Variants in SIK3 observed in about 807,000 individuals in gnomAD.
SIK3 encodes the protein serine/threonine-protein kinase SIK3.
Under a neutral mutation model 144.2 loss-of-function variants are expected in SIK3, and 28 were observed. The ratio of observed to expected loss-of-function variants is 0.19; its 90% CI spans 0.14 to 0.27. SIK3 has a LOEUF of 0.27. Among genes scored for constraint, SIK3 ranks in the 10% least tolerant of loss-of-function variants. SIK3 has a pLI of 1.00. For synonymous variants in SIK3, 686 were observed against 676.3 expected (o/e 1.01, Z -0.22); for missense variants, 1,319 against 1,776.0 (o/e 0.74, Z 4.62).
intron 1 of SIK3, among the ~76,000 whole-genome samples, chr11:117,023,496 A>G (rs1951858794): frequency 6.8e-6 from 1 of 146,970 alleles, no homozygotes; most frequent in Admixed American, 6.9e-5. Context: ...CCCTTGACCT[A>G]CTGGGCTCAA....
intron 4 of SIK3, among the ~76,000 whole-genome samples, chr11:116,898,832 T>G (rs1242392909): frequency 6.6e-6 from 1 of 151,982 alleles, no homozygotes; most frequent in Non-Finnish European, 1.5e-5. Context: ...GTTTTTTTCT[T>G]GTAAATTTGT....
At chr11:116,933,386 G>A (rs921523207) in intron 3 of SIK3, among the ~76,000 whole-genome samples, 15 of 152,004 alleles carry the variant, frequency 9.9e-5, no homozygotes, top group Non-Finnish European at 2.1e-4. Context: ...TGCTCCACCC[G>A]CCTCAGCCCC....
At chr11:117,049,682 G>C (rs1408658304) in intron 1 of SIK3, among the ~76,000 whole-genome samples, 1 of 152,104 alleles carries the variant, frequency 6.6e-6, no homozygotes, top group Non-Finnish European at 1.5e-5. Flanking sequence ...ATCAGTCTAG[G>C]TGCAATGGCT....
At chr11:116,945,705 A>G (rs79580638) in intron 3 of SIK3, among the ~76,000 whole-genome samples, 7,410 of 152,182 alleles carry the variant, frequency 0.049, 601 homozygotes, top group African/African-American at 0.17. Flanking sequence ...GATCAGTCCA[A>G]TTGTCTGTCT....
At chr11:117,022,148 T>C (rs1332156989) in intron 1 of SIK3, among the ~76,000 whole-genome samples, 1 of 152,044 alleles carries the variant, frequency 6.6e-6, no homozygotes, top group Non-Finnish European at 1.5e-5. Flanking sequence ...CATTTTGTAG[T>C]TGGGTATGTC....
At chr11:117,075,763 T>G (rs1954488390) in intron 1 of SIK3, among the ~76,000 whole-genome samples, 2 of 150,498 alleles carry the variant, frequency 1.3e-5, no homozygotes, top group Non-Finnish European at 3.0e-5. Flanking sequence ...CAAGATGGTC[T>G]CGATCTCCTG....
At chr11:117,036,066 A>C (rs1952486747) in intron 1 of SIK3, 4 of 991,846 alleles carry the variant, frequency 4.0e-6, no homozygotes, top group Non-Finnish European at 6.0e-6. Context: ...TCGTGTGGGT[A>C]GGTCATCACC....
chr11:117,017,642 G>A (rs983845122), intron 1 of SIK3, among the ~76,000 whole-genome samples: 3 of 151,934 alleles, frequency 2.0e-5, no homozygotes, highest in African/African-American at 7.3e-5. Flanking sequence ...TCCTGATTAG[G>A]TCATCATTCT....
intron 1 of SIK3, among the ~76,000 whole-genome samples, chr11:116,984,347 C>A (rs1185002327): frequency 4.6e-5 from 7 of 152,124 alleles, no homozygotes; most frequent in Non-Finnish European, 5.9e-5. Flanking sequence ...AGCAATATGA[C>A]CTTTTAGCTC....
At chr11:116,917,299 G>GTGAGTTCCTATAAGAACTC (rs1470741680) in intron 4 of SIK3, among the ~76,000 whole-genome samples, 29 of 152,280 alleles carry the variant, frequency 1.9e-4, no homozygotes, top group African/African-American at 7.0e-4. Context: ...TATAAGAACT[G>GTGAGTTCCTATAAGAACTC]TAAGTTTCTA....
At position 116,985,448 on chromosome 11, in the gene SIK3, A is replaced by G. The variant is rs185620628; in HGVS notation, c.274-28384T>C. On this transcript the variant is annotated intron_variant, in intron 1 of 24. Transcript: ENST00000445177. The stretch of plus-strand genomic sequence containing the variant: ...ATAAATTCATTACAGCCTAGAAATT[A>G]GTTAATCTTACTAGTTGAGTTTGCG... Among the ~76,000 whole-genome samples, 37 of 152,328 alleles carry G rather than the reference A, an allele frequency of 2.4e-4. 1 individual carries two copies. The East Asian group carries it at 7.0e-3, about 29-fold the overall frequency.
At chr11:117,048,308 A>C (rs2135893891) in intron 1 of SIK3, among the ~76,000 whole-genome samples, 1 of 152,324 alleles carries the variant, frequency 6.6e-6, no homozygotes, top group African/African-American at 2.4e-5. Context: ...CCCCAGATTT[A>C]TTTACCTTTA....
chr11:116,911,841 T>C (rs1166356882), intron 4 of SIK3, among the ~76,000 whole-genome samples: 1 of 152,228 alleles, frequency 6.6e-6, no homozygotes, highest in Non-Finnish European at 1.5e-5. Flanking sequence ...AAATACTTGA[T>C]ATCCCTTACT....
At chr11:117,016,459 T>C (rs529782414) in intron 1 of SIK3, among the ~76,000 whole-genome samples, 13 of 126,258 alleles carry the variant, frequency 1.0e-4, no homozygotes, top group East Asian at 4.2e-4. Context: ...CCATGACCTA[T>C]CTATTTTTGG....
chr11:117,069,181 TTTTG>T (rs1360483166), intron 1 of SIK3, among the ~76,000 whole-genome samples: 1 of 67,672 alleles, frequency 1.5e-5, no homozygotes, highest in African/African-American at 5.7e-5. Flanking sequence ...TAAGATTTTT[TTTTG>T]GGGGGGGGGG....
chr11:116,953,952 T>C lies in SIK3; in HGVS notation c.454+92A>G, dbSNP rs962270148. ...GGATTGAAGAACAGCATCAAGTGAC[T>C]GCTGCTCAAGTGACAAAGGCACTGA... is the stretch of plus-strand genomic sequence containing the variant. On this transcript the variant is annotated intron_variant, in intron 3 of 24. Transcript: ENST00000445177. The C allele has an allele frequency of 1.4e-5, 13 of 913,356 alleles. No individual in the cohort carries two copies. The African/African-American group carries it at 2.0e-4, about 14-fold the overall frequency. The allele number at this position is 913,356 out of a possible 1,614,324, so 56.6% of individuals were successfully genotyped here.
intron 1 of SIK3, among the ~76,000 whole-genome samples, chr11:117,029,237 G>A (rs1261586878): frequency 1.3e-5 from 2 of 152,064 alleles, no homozygotes; most frequent in Non-Finnish European, 2.9e-5. Context: ...GGCAGATGCA[G>A]GTGGATCACT....
rs1391874680 is a variant in SIK3 at position 117,072,451 on chromosome 11, T to C, written c.273+25692A>G. Among the ~76,000 whole-genome samples, 3 of 152,306 alleles carry C rather than the reference T, an allele frequency of 2.0e-5. No homozygotes were observed. In the East Asian group the frequency reaches 5.8e-4, roughly 29 times the overall value. ...TGTGTCCAAAAAGCATATTGTTACA[T>C]TTCCACTTTTAAAAACTACTAACTA... On this transcript the variant is annotated intron_variant, in intron 1 of 24. Transcript: ENST00000445177.
In SIK3 at chr11:116,899,120, C is replaced by T. The variant is rs183118606; in HGVS notation, c.617-1803G>A. 2.6e-5 allele frequency among the ~76,000 whole-genome samples: 4 copies of T among 152,266 alleles called. No homozygotes were observed. In the East Asian group the frequency reaches 7.7e-4, roughly 29 times the overall value. On this transcript the variant is annotated intron_variant, in intron 4 of 24. Transcript: ENST00000445177. ...ATGGTTTTAGGTCTAAGGTTTAGGT[C>T]TTTAATCCATCGTGAATTGATTTTT...
Sources: allele counts gnomAD v4.1 joint callset (sites outside exome capture counted in the v4.1 genomes callset), GRCh38; gene constraint gnomAD v4.1.1; transcripts MANE v1.5; gene names NCBI Gene and HGNC (gene_info 2026-07-23, HGNC 2026-07-21).